The following NYAP2 variants were observed in gnomAD, a reference collection of about 807,000 sequenced individuals.
The protein encoded by NYAP2 is neuronal tyrosine-phosphorylated phosphoinositide-3-kinase adaptor 2, also known as neuronal tyrosine-phosphorylated phosphoinositide-3-kinase adapter 2.
NYAP2 carries 23 observed loss-of-function variants against 50.4 expected under a neutral mutation model. The ratio of observed to expected loss-of-function variants is 0.46; its 90% CI spans 0.33 to 0.65. The LOEUF is 0.65. Ranked by LOEUF, NYAP2 falls within the 30% of genes least tolerant of loss-of-function variation. The probability of loss-of-function intolerance (pLI) is 0.02; values close to 1 mark genes in which losing one functional copy is unlikely to be tolerated. For missense variants in NYAP2, 885 were observed against 861.0 expected (o/e 1.03, Z -0.35); for synonymous variants, 394 against 365.2 (o/e 1.08, Z -0.90).
At chr2:225,509,900 C>T (rs990474070) in intron 3 of NYAP2, among the ~76,000 whole-genome samples, 8 of 152,170 alleles carry the variant, frequency 5.3e-5, no homozygotes, top group African/African-American at 1.7e-4. Flanking sequence ...TGCCATATGA[C>T]TTGCAGTATT....
At chr2:225,407,131 G>A (rs1489237551) in intron 2 of NYAP2, among the ~76,000 whole-genome samples, 3 of 151,990 alleles carry the variant, frequency 2.0e-5, no homozygotes, top group Non-Finnish European at 4.4e-5. Flanking sequence ...CACTCCTAGT[G>A]CAAAAGTCCT....
chr2:225,599,745 T>C (rs756575101), intron 5 of NYAP2, among the ~76,000 whole-genome samples: 1 of 152,236 alleles, frequency 6.6e-6, no homozygotes, highest in Non-Finnish European at 1.5e-5. Flanking sequence ...GCAATTAGTG[T>C]TGAAGTTGAG....
At chr2:225,538,014 G>A (rs756728249) in intron 4 of NYAP2, among the ~76,000 whole-genome samples, 23 of 152,198 alleles carry the variant, frequency 1.5e-4, no homozygotes, top group Admixed American at 2.0e-4. Context: ...TTTACTTCAT[G>A]CATCACATCC....
chr2:225,546,385 C>T (rs1443849726), intron 4 of NYAP2, among the ~76,000 whole-genome samples: 1 of 152,102 alleles, frequency 6.6e-6, no homozygotes, highest in Admixed American at 6.5e-5. Context: ...GCTAAGCTGG[C>T]ACTCAAACCA....
chr2:225,582,531 A>C lies in NYAP2; in HGVS notation c.1114A>C (p.Met372Leu). Residue 372 changes from methionine (M) to leucine (L), a missense_variant, in exon 5 of 7, where the codon ATG becomes CTG. Transcript: ENST00000636099. The surrounding 1 kb of genome is among the most constrained non-coding windows in gnomAD (Gnocchi z 7.0). ...TCCCGTGCTGGAAAACGTGTCTTAC[A>C]TGAAACAGCCAGCCGGGGCGTCGCC... 6.4e-7 allele frequency: 1 copy of C among 1,569,112 alleles called. No individual in the cohort carries two copies.
chr2:225,471,877 T>A (rs1690016283), intron 3 of NYAP2, among the ~76,000 whole-genome samples: 1 of 152,188 alleles, frequency 6.6e-6, no homozygotes, highest in Admixed American at 6.6e-5. Flanking sequence ...AACCCATTAG[T>A]ATGCAGCAAA....
chr2:225,583,035 A>G (rs1448196339), exon 5 of NYAP2: 16 of 1,609,670 alleles, frequency 9.9e-6, no homozygotes, highest in Non-Finnish European at 1.3e-5. Context: ...GCCTGCAGAG[A>G]GTAAGTGTGC....
intron 3 of NYAP2, among the ~76,000 whole-genome samples, chr2:225,442,983 AAG>A (rs1342836787): frequency 6.6e-6 from 1 of 152,174 alleles, no homozygotes. Context: ...GGTGGCAGGA[AAG>A]AGAGAGTGTG....
chr2:225,460,821 G>A (rs772218908), intron 3 of NYAP2, among the ~76,000 whole-genome samples: 1 of 151,724 alleles, frequency 6.6e-6, no homozygotes, highest in Non-Finnish European at 1.5e-5. Context: ...TATCCATTAC[G>A]TGGATAAGAT....
chr2:225,640,807 A>T (rs1693514645), intron 6 of NYAP2, among the ~76,000 whole-genome samples: 1 of 152,152 alleles, frequency 6.6e-6, no homozygotes, highest in African/African-American at 2.4e-5. Context: ...ACACACACAT[A>T]TTTCCCCTTT....
the NYAP2 span, among the ~76,000 whole-genome samples, chr2:225,690,325 G>T: frequency 2.6e-5 from 4 of 151,870 alleles, no homozygotes; most frequent in Admixed American, 2.6e-4. Context: ...TGATAACTAA[G>T]GAAGCAATTT....
chr2:225,490,465 G>A (rs1690384944), intron 3 of NYAP2, among the ~76,000 whole-genome samples: 1 of 152,204 alleles, frequency 6.6e-6, no homozygotes, highest in South Asian at 2.1e-4. Flanking sequence ...AGAAAGACCA[G>A]CTTTGAGAAA....
chr2:225,679,492 T>TG, the NYAP2 span, among the ~76,000 whole-genome samples: 2 of 115,440 alleles, frequency 1.7e-5, no homozygotes, highest in Admixed American at 1.2e-4. Context: ...AGCTTCTAAT[T>TG]GTTTTTTTTT....
intron 4 of NYAP2, among the ~76,000 whole-genome samples, chr2:225,541,197 G>T (rs1559209438): frequency 6.6e-6 from 1 of 152,100 alleles, no homozygotes; most frequent in Non-Finnish European, 1.5e-5. Flanking sequence ...TAAATCCCTT[G>T]TTAGGTGGAT....
At chr2:225,632,768 G>A (rs978724451) in intron 6 of NYAP2, among the ~76,000 whole-genome samples, 12 of 152,046 alleles carry the variant, frequency 7.9e-5, no homozygotes, top group Non-Finnish European at 1.6e-4. Context: ...TTAACAAATA[G>A]TTTCCACACA....
intron 4 of NYAP2, among the ~76,000 whole-genome samples, chr2:225,524,043 G>A (rs1691111079): frequency 6.6e-6 from 1 of 152,120 alleles, no homozygotes; most frequent in Non-Finnish European, 1.5e-5. Flanking sequence ...TCTCCAGAGG[G>A]ACAGAACTGA....
chr2:225,695,585 G>A, the NYAP2 span, among the ~76,000 whole-genome samples: 1 of 151,670 alleles, frequency 6.6e-6, no homozygotes, highest in Admixed American at 6.6e-5. Context: ...ACCAAGATGA[G>A]TGAGATTTGA....
chr2:225,572,916 T>TTA (rs1208867412), intron 4 of NYAP2, among the ~76,000 whole-genome samples: 2 of 152,128 alleles, frequency 1.3e-5, no homozygotes, highest in African/African-American at 2.4e-5. Context: ...TGTTCTTCCT[T>TTA]TATATATATA....
chr2:225,561,549 C>G lies in NYAP2; in HGVS notation c.524-20392C>G, dbSNP rs535894142. On this transcript the variant is annotated intron_variant, in intron 4 of 6. Coordinates refer to ENST00000636099, the Ensembl canonical transcript of NYAP2. Reference sequence around the variant, plus strand: ...TTAAAGTTCCTGCTGTACTCCAGGCCCTTGGATAGACAGTGGGTATCTACA... The same window carrying G: ...TTAAAGTTCCTGCTGTACTCCAGGCGCTTGGATAGACAGTGGGTATCTACA... Among the ~76,000 whole-genome samples the G allele has an allele frequency of 2.0e-5, 3 of 152,036 alleles. 1 individual carries two copies. In the East Asian group the frequency reaches 5.8e-4, roughly 29 times the overall value.
Sources: gnomAD v4.1 joint callset for allele counts (sites outside exome capture counted in the v4.1 genomes callset) on GRCh38, gnomAD v4.1.1 for gene constraint, Gnocchi (gnomAD v3.1) non-coding constraint, MANE v1.5 for transcripts, NCBI Gene and HGNC (gene_info 2026-07-23, HGNC 2026-07-21) for gene names.